The following CAMTA1 variants were observed in gnomAD, a reference collection of about 807,000 sequenced individuals.
CAMTA1 encodes calmodulin-binding transcription activator 1.
A neutral mutation model predicts 170.9 loss-of-function variants in CAMTA1; 27 were observed. The ratio of observed to expected loss-of-function variants is 0.16; its 90% CI spans 0.12 to 0.22. The LOEUF is 0.22. Ranked by LOEUF, CAMTA1 falls within the 10% of genes least tolerant of loss-of-function variation. The probability of loss-of-function intolerance (pLI) is 1.00; values close to 1 mark genes in which losing one functional copy is unlikely to be tolerated. For synonymous variants in CAMTA1, 833 were observed against 891.5 expected (o/e 0.93, Z 1.17); for missense variants, 1,619 against 2,217.2 (o/e 0.73, Z 5.42).
intron 6 of CAMTA1, among the ~76,000 whole-genome samples, chr1:7,496,576 T>C (rs1725266): frequency 0.64 from 97,322 of 152,092 alleles, 31,989 homozygotes; most frequent in East Asian, 0.82. Flanking sequence ...GATGCAGCAA[T>C]GTTCCCCTGG....
rs550025673 is a variant in CAMTA1, at chr1:7,079,613, AG to A, written c.235-11689del. The stretch of plus-strand genomic sequence containing the variant: ...CAGCCTCCCAAGTAGCTGGAATTAC[AG>A]GCACACACCATCACGCCTGGCTAAT... On this transcript the variant is annotated intron_variant, in intron 3 of 22. Transcript: ENST00000303635. Among the ~76,000 whole-genome samples, 121 of 151,626 alleles carry A rather than the reference AG, an allele frequency of 8.0e-4. 1 individual carries two copies. In the East Asian group the frequency reaches 0.017, roughly 21 times the overall value.
chr1:7,614,436 T>G (rs976364487), intron 6 of CAMTA1, among the ~76,000 whole-genome samples: 1 of 151,468 alleles, frequency 6.6e-6, no homozygotes, highest in Non-Finnish European at 1.5e-5. Context: ...ATGCCAGAAC[T>G]GACTCTCTTC....
At chr1:7,080,383 C>T (rs1016126924) in intron 3 of CAMTA1, among the ~76,000 whole-genome samples, 3 of 152,180 alleles carry the variant, frequency 2.0e-5, no homozygotes, top group African/African-American at 7.2e-5. Context: ...AGGAAACTTG[C>T]TATAAAGACC....
At chr1:7,606,534 A>T (rs2150624891) in intron 6 of CAMTA1, among the ~76,000 whole-genome samples, 1 of 152,336 alleles carries the variant, frequency 6.6e-6, no homozygotes, top group East Asian at 1.9e-4. Flanking sequence ...AGCATGCCTT[A>T]CATTCAGAGG....
chr1:7,493,057 A>T (rs1425038668), intron 6 of CAMTA1, among the ~76,000 whole-genome samples: 1 of 92,296 alleles, frequency 1.1e-5, no homozygotes. Context: ...CTACATACAC[A>T]CGCGCGCACA....
At chr1:7,132,602 T>C (rs1013335142) in intron 4 of CAMTA1, among the ~76,000 whole-genome samples, 1 of 152,144 alleles carries the variant, frequency 6.6e-6, no homozygotes, top group African/African-American at 2.4e-5. Context: ...TCCCAGCACT[T>C]TGGGAGGCTG....
At position 7,041,052 on chromosome 1, in the gene CAMTA1, G is replaced by A. The variant is rs1704372463; in HGVS notation, c.235-50252G>A. The stretch of plus-strand genomic sequence containing the variant: ...TCTGTTTTTTAAGACAGGTGCGTGT[G>A]GGCGCAGGAGGCGGAGGGCCCTTAT... On this transcript the variant is annotated intron_variant, in intron 3 of 22. Transcript: ENST00000303635. The surrounding 1 kb of genome is among the most constrained non-coding windows in gnomAD (Gnocchi z 5.1). Among the ~76,000 whole-genome samples the A allele has an allele frequency of 6.6e-6, 1 of 152,222 alleles. No individual in the cohort carries two copies. The highest frequency in any genetic ancestry group is 2.4e-5 in the African/African-American group (1 of 41,462).
chr1:7,504,831 T>C lies in CAMTA1; in HGVS notation c.510+36930T>C, dbSNP rs115080098. Among the ~76,000 whole-genome samples the C allele has an allele frequency of 2.6e-3, 394 of 152,368 alleles. 1 individual carries two copies. Among genetic ancestry groups the C allele is most frequent in the African/African-American group, 9.1e-3 (380 of 41,590 alleles). On this transcript the variant is annotated intron_variant, in intron 6 of 22. Transcript: ENST00000303635. ...GACATCTCACAAGTGCCTCTTACAG[T>C]GACACAGCTGGCCTTTCTCAGAATG... is the stretch of plus-strand genomic sequence containing the variant.
intron 5 of CAMTA1, among the ~76,000 whole-genome samples, chr1:7,272,546 C>T (rs1056006611): frequency 2.9e-4 from 44 of 151,772 alleles, no homozygotes; most frequent in African/African-American, 8.7e-4. Context: ...TAAGAATAGA[C>T]GTATAAATCA....
At chr1:7,571,513 A>G (rs1215670085) in intron 6 of CAMTA1, among the ~76,000 whole-genome samples, 1 of 152,026 alleles carries the variant, frequency 6.6e-6, no homozygotes, top group Non-Finnish European at 1.5e-5. Context: ...GTAGGCCCCA[A>G]TGTCTGTTGT....
intron 10 of CAMTA1, among the ~76,000 whole-genome samples, chr1:7,672,532 T>C (rs1448148420): frequency 6.6e-6 from 1 of 152,094 alleles, no homozygotes; most frequent in Non-Finnish European, 1.5e-5. Context: ...AGTGATTCTC[T>C]TGCCTCAGCC....
rs371435794 is a variant in CAMTA1, at chr1:6,834,276, GT to G, written c.234+9077del. The G allele has an allele frequency of 6.1e-3, 816 of 133,946 alleles. 6 individuals carry two copies. The highest frequency in any genetic ancestry group is 1.0e-2 in the Non-Finnish European group (619 of 62,046). The allele number at this position is 133,946 out of a possible 1,614,324, so 8.3% of individuals were successfully genotyped here. On this transcript the variant is annotated intron_variant, in intron 3 of 22. Transcript: ENST00000303635. The stretch of plus-strand genomic sequence containing the variant: ...TTTTTTAATTTTTATTTTATTTTTT[GT>G]TTTTTTTTTTAAAACCAGAACATTT...
intron 4 of CAMTA1, among the ~76,000 whole-genome samples, chr1:7,109,876 C>T (rs943131869): frequency 6.6e-6 from 1 of 152,156 alleles, no homozygotes; most frequent in Non-Finnish European, 1.5e-5. Flanking sequence ...CTGAGGAGCA[C>T]TCGGGGTCTG....
intron 3 of CAMTA1, among the ~76,000 whole-genome samples, chr1:6,974,084 G>T (rs1175885958): frequency 6.6e-6 from 1 of 152,202 alleles, no homozygotes; most frequent in Non-Finnish European, 1.5e-5. Context: ...AGACAGACAG[G>T]CTGGAGCTTA....
chr1:7,430,766 G>A (rs921407108), intron 5 of CAMTA1, among the ~76,000 whole-genome samples: 4 of 152,260 alleles, frequency 2.6e-5, no homozygotes, highest in African/African-American at 7.2e-5. Flanking sequence ...CTCTATTTCT[G>A]CCCTGTGGGC....
At chr1:6,893,077 C>T (rs1030869473) in intron 3 of CAMTA1, among the ~76,000 whole-genome samples, 7 of 151,882 alleles carry the variant, frequency 4.6e-5, no homozygotes, top group African/African-American at 9.7e-5. Flanking sequence ...GTCAGGAGTT[C>T]GAGACCAGCC....
chr1:7,228,912 T>A (rs74051201), intron 4 of CAMTA1, among the ~76,000 whole-genome samples: 13,086 of 151,680 alleles, frequency 0.086, 1,776 homozygotes, highest in African/African-American at 0.29. Context: ...GGGGGATGGG[T>A]TTGGGTCAGG....
At chr1:7,596,328 A>G (rs1223624841) in intron 6 of CAMTA1, among the ~76,000 whole-genome samples, 1 of 152,230 alleles carries the variant, frequency 6.6e-6, no homozygotes, top group Non-Finnish European at 1.5e-5. Context: ...GGGCAGCTCC[A>G]TGCCAGGTGC....
chr1:7,652,041 T>C, intron 7 of CAMTA1, among the ~76,000 whole-genome samples: 1 of 149,422 alleles, frequency 6.7e-6, no homozygotes, highest in African/African-American at 2.5e-5. Flanking sequence ...CCTCAGGGGG[T>C]CCCCTCCCAC....
Sources: allele counts gnomAD v4.1 joint callset (sites outside exome capture counted in the v4.1 genomes callset), GRCh38; gene constraint gnomAD v4.1.1; non-coding constraint Gnocchi (gnomAD v3.1); transcripts MANE v1.5; gene names NCBI Gene and HGNC (gene_info 2026-07-23, HGNC 2026-07-21).